THSD7A: variants seen among roughly 807,000 people sequenced by gnomAD.
The protein encoded by THSD7A is thrombospondin type-1 domain-containing protein 7A.
A neutral mutation model predicts 231.3 loss-of-function variants in THSD7A; 96 were observed. The ratio of observed to expected loss-of-function variants is 0.41; its 90% CI spans 0.35 to 0.49. The LOEUF (loss-of-function observed/expected upper bound fraction) is 0.49. Ranked by LOEUF, THSD7A falls within the 20% of genes least tolerant of loss-of-function variation. The probability of loss-of-function intolerance (pLI) is 0.05; values close to 1 mark genes in which losing one functional copy is unlikely to be tolerated. For synonymous variants in THSD7A, 940 were observed against 743.3 expected (o/e 1.26, Z -4.30); for missense variants, 2,290 against 2,070.2 (o/e 1.11, Z -2.06).
chr7:11,430,125 C>G (rs573603283), intron 13 of THSD7A, among the ~76,000 whole-genome samples: 54 of 152,244 alleles, frequency 3.5e-4, no homozygotes, highest in African/African-American at 1.1e-3. Context: ...GCCATTTTAT[C>G]TCAACAGCAG....
At chr7:11,527,169 T>C (rs1249831251) in intron 6 of THSD7A, among the ~76,000 whole-genome samples, 1 of 152,154 alleles carries the variant, frequency 6.6e-6, no homozygotes, top group South Asian at 2.1e-4. Context: ...CAGAAGGCTC[T>C]CCATATAGAT....
At chr7:11,570,245 C>A (rs1428671009) in intron 4 of THSD7A, among the ~76,000 whole-genome samples, 1 of 152,028 alleles carries the variant, frequency 6.6e-6, no homozygotes, top group Admixed American at 6.6e-5. Context: ...ATAAGCCAGG[C>A]ACAGAAGGAC....
intron 4 of THSD7A, among the ~76,000 whole-genome samples, chr7:11,547,926 C>T (rs1399592863): frequency 6.6e-6 from 1 of 151,990 alleles, no homozygotes; most frequent in African/African-American, 2.4e-5. Context: ...CTCAAATTAA[C>T]AACATGAAAT....
intron 14 of THSD7A, among the ~76,000 whole-genome samples, chr7:11,426,908 T>G (rs1242354136): frequency 3.9e-5 from 6 of 152,114 alleles, no homozygotes; most frequent in Non-Finnish European, 7.4e-5. Context: ...GCAGAGCCAA[T>G]GAGAAAATTA....
intron 7 of THSD7A, among the ~76,000 whole-genome samples, chr7:11,477,398 A>G (rs1479860193): frequency 6.6e-6 from 1 of 152,216 alleles, no homozygotes; most frequent in Non-Finnish European, 1.5e-5. Context: ...TACTGAGGAC[A>G]CAAGATTTTG....
At chr7:11,389,522 G>C (rs998870729) in intron 23 of THSD7A, among the ~76,000 whole-genome samples, 4 of 141,422 alleles carry the variant, frequency 2.8e-5, no homozygotes, top group African/African-American at 1.1e-4. Flanking sequence ...GTCTTTGCAC[G>C]TGAGATGGGT....
rs1485464241 is a variant in THSD7A at position 11,660,199 on chromosome 7, T to C, written c.191-23238A>G. Among the ~76,000 whole-genome samples, 3 of 151,534 alleles carry C rather than the reference T, an allele frequency of 2.0e-5. No homozygotes were observed. The East Asian group carries it at 5.8e-4, about 29-fold the overall frequency. ...TTCAACAGATAGAGAGTAACAACTA[T>C]GTCAAGTACTGTGCTAAGCACTGGA... On this transcript the variant is annotated intron_variant, in intron 1 of 27. Transcript: ENST00000423059.
At chr7:11,756,579 G>C (rs1419379486) in intron 1 of THSD7A, among the ~76,000 whole-genome samples, 1 of 151,822 alleles carries the variant, frequency 6.6e-6, no homozygotes, top group Non-Finnish European at 1.5e-5. Context: ...GGGACAGAAA[G>C]CAAATCACAG....
intron 4 of THSD7A, among the ~76,000 whole-genome samples, chr7:11,567,303 G>C (rs551907508): frequency 1.8e-4 from 28 of 152,190 alleles, no homozygotes; most frequent in South Asian, 1.4e-3. Flanking sequence ...GCAGAGTAAA[G>C]GGGGAAGAGC....
Position 11,528,507 on chromosome 7 carries a change from C to T in THSD7A, c.1822+12912G>A, listed in dbSNP as rs150589296. ...TCTTTTCCTCAAAGAAAAATCAGGG[C>T]GGTTTATGATAGAAGAGAATGAAAC... On this transcript the variant is annotated intron_variant, in intron 6 of 27. Coordinates refer to ENST00000423059, the MANE Select transcript of THSD7A (RefSeq NM_015204.3). 7.4e-3 allele frequency among the ~76,000 whole-genome samples: 1,125 copies of T among 152,022 alleles called. 8 individuals carry two copies. Among genetic ancestry groups the T allele is most frequent in the Middle Eastern group, 0.02 (6 of 294 alleles).
chr7:11,424,640 G>C (rs958825445), intron 16 of THSD7A, 56 bp downstream of exon 16: 9 of 1,604,040 alleles, frequency 5.6e-6, no homozygotes, highest in Admixed American at 5.0e-5. Context: ...TGGCACATGT[G>C]CAATTGGGAG....
chr7:11,563,308 T>G (rs1309783384), intron 4 of THSD7A, among the ~76,000 whole-genome samples: 3 of 152,200 alleles, frequency 2.0e-5, no homozygotes, highest in Non-Finnish European at 4.4e-5. Flanking sequence ...TTTAATGCGC[T>G]TCAAAGCTCC....
intron 6 of THSD7A, among the ~76,000 whole-genome samples, chr7:11,526,986 G>A (rs1384144818): frequency 6.6e-6 from 1 of 152,152 alleles, no homozygotes; most frequent in Non-Finnish European, 1.5e-5. Flanking sequence ...AAGAATGAAT[G>A]AGCCTAGGCA....
intron 1 of THSD7A, among the ~76,000 whole-genome samples, chr7:11,747,928 C>T (rs1375835233): frequency 2.6e-5 from 4 of 151,832 alleles, no homozygotes; most frequent in African/African-American, 9.7e-5. Flanking sequence ...GAAATGGAAA[C>T]AATTTTTGCA....
chr7:11,462,301 G>C (rs748820800), intron 9 of THSD7A, among the ~76,000 whole-genome samples, 158 bp from the exon 10 acceptor site: 1 of 152,108 alleles, frequency 6.6e-6, no homozygotes, highest in Non-Finnish European at 1.5e-5. Context: ...TTCTCCCAAA[G>C]ACCATTTATA....
chr7:11,787,559 A>G (rs1026940858), intron 1 of THSD7A, among the ~76,000 whole-genome samples: 1 of 152,102 alleles, frequency 6.6e-6, no homozygotes, highest in Non-Finnish European at 1.5e-5. Flanking sequence ...AAGCTCAACA[A>G]TAAGAAAACA....
intron 1 of THSD7A, among the ~76,000 whole-genome samples, chr7:11,716,831 C>T (rs1243187721): frequency 6.6e-6 from 1 of 151,434 alleles, no homozygotes; most frequent in East Asian, 2.0e-4. Flanking sequence ...TATACTACTA[C>T]TACTAAGAAA....
intron 1 of THSD7A, among the ~76,000 whole-genome samples, chr7:11,785,402 T>C (rs1293278195): frequency 6.6e-6 from 1 of 152,086 alleles, no homozygotes; most frequent in Non-Finnish European, 1.5e-5. Context: ...TATTTTACTG[T>C]TGATCCTTCA....
intron 1 of THSD7A, among the ~76,000 whole-genome samples, chr7:11,727,077 G>C (rs148607978): frequency 7.2e-5 from 11 of 152,004 alleles, no homozygotes; most frequent in Non-Finnish European, 1.2e-4. Context: ...TTACACCCCT[G>C]GTGCTGATAT....
Sources: allele counts gnomAD v4.1 joint callset (sites outside exome capture counted in the v4.1 genomes callset), GRCh38; gene constraint gnomAD v4.1.1; transcripts MANE v1.5; gene names NCBI Gene and HGNC (gene_info 2026-07-23, HGNC 2026-07-21).